The following ARB2A variants were observed in gnomAD, a reference collection of about 807,000 sequenced individuals.
The protein encoded by ARB2A is cotranscriptional regulator ARB2A.
chr5:93,880,437 T>C, the ARB2A span, among the ~76,000 whole-genome samples: 165 of 151,924 alleles, frequency 1.1e-3, 3 homozygotes, highest in Admixed American at 5.7e-3. Context: ...AAACATTTTA[T>C]TAATGATCTT....
chr5:94,049,348 T>C, the ARB2A span, among the ~76,000 whole-genome samples: 1 of 152,126 alleles, frequency 6.6e-6, no homozygotes, highest in Non-Finnish European at 1.5e-5. Context: ...TTCACACAAA[T>C]AAACACCTGA....
At chr5:94,060,906 C>A in the ARB2A span, among the ~76,000 whole-genome samples, 2 of 152,084 alleles carry the variant, frequency 1.3e-5, no homozygotes, top group Non-Finnish European at 2.9e-5. Flanking sequence ...AAATACATGA[C>A]CCTATCAACT....
chr5:93,834,891 CG>C, the ARB2A span, among the ~76,000 whole-genome samples: 1 of 152,100 alleles, frequency 6.6e-6, no homozygotes, highest in Admixed American at 6.5e-5. Context: ...CTTTCTAATA[CG>C]CTTCAATTAC....
At chr5:93,826,550 C>G in the ARB2A span, among the ~76,000 whole-genome samples, 2 of 152,102 alleles carry the variant, frequency 1.3e-5, no homozygotes, top group Non-Finnish European at 2.9e-5. Flanking sequence ...CTCTCCATAT[C>G]CAGCTGAAAT....
chr5:93,707,398 C>T, the ARB2A span, among the ~76,000 whole-genome samples: 1 of 152,068 alleles, frequency 6.6e-6, no homozygotes, highest in African/African-American at 2.4e-5. Flanking sequence ...TAGTTATGTA[C>T]TTGTACAATA....
At chr5:93,947,781 C>A in the ARB2A span, among the ~76,000 whole-genome samples, 1 of 148,382 alleles carries the variant, frequency 6.7e-6, no homozygotes. Context: ...GTTTTTTGTT[C>A]TTGCGATAGT....
chr5:93,964,104 C>G, the ARB2A span, among the ~76,000 whole-genome samples: 1 of 151,806 alleles, frequency 6.6e-6, no homozygotes, highest in Non-Finnish European at 1.5e-5. Flanking sequence ...TAGTGAATGT[C>G]TAATGTAACA....
the ARB2A span, among the ~76,000 whole-genome samples, chr5:93,940,024 TC>T: frequency 6.6e-6 from 1 of 152,006 alleles, no homozygotes; most frequent in Non-Finnish European, 1.5e-5. Flanking sequence ...CTAGTCTTCT[TC>T]CAAAAGGTTC....
the ARB2A span, among the ~76,000 whole-genome samples, chr5:93,859,059 T>C: frequency 6.6e-6 from 1 of 152,082 alleles, no homozygotes; most frequent in Non-Finnish European, 1.5e-5. Context: ...AGATAGACAT[T>C]TGAAAGGAAT....
At chr5:93,824,090 G>C in the ARB2A span, 4 of 1,397,882 alleles carry the variant, frequency 2.9e-6, no homozygotes, top group African/African-American at 5.9e-5. Context: ...CAGAAAGAAA[G>C]GAGAGGGGAT....
At chr5:94,072,326 T>C in the ARB2A span, among the ~76,000 whole-genome samples, 3 of 151,972 alleles carry the variant, frequency 2.0e-5, no homozygotes, top group East Asian at 5.8e-4. Context: ...ACACAATACA[T>C]AGGATCGAAT....
At chr5:94,010,857 A>G in the ARB2A span, among the ~76,000 whole-genome samples, 5 of 152,192 alleles carry the variant, frequency 3.3e-5, no homozygotes, top group African/African-American at 1.2e-4. Flanking sequence ...TAAAACAACT[A>G]AAAAAGTTCA....
At chr5:93,936,235 T>G in the ARB2A span, among the ~76,000 whole-genome samples, 2 of 152,186 alleles carry the variant, frequency 1.3e-5, no homozygotes, top group Non-Finnish European at 2.9e-5. Flanking sequence ...ATTGAAATTT[T>G]CTCTTTATTA....
chr5:94,095,211 C>T, the ARB2A span, among the ~76,000 whole-genome samples: 1 of 152,184 alleles, frequency 6.6e-6, no homozygotes, highest in African/African-American at 2.4e-5. Flanking sequence ...CTGGCATGGG[C>T]AGCCCCCACC....
At chr5:93,701,353 TA>T in the ARB2A span, among the ~76,000 whole-genome samples, 1 of 152,184 alleles carries the variant, frequency 6.6e-6, no homozygotes. Context: ...TCTGTTTTGA[TA>T]AAATGTGATT....
the ARB2A span, among the ~76,000 whole-genome samples, chr5:93,975,225 G>A: frequency 6.6e-6 from 1 of 150,508 alleles, no homozygotes; most frequent in Non-Finnish European, 1.5e-5. Flanking sequence ...ACTGAGGCAG[G>A]AGAATCCTGT....
At chr5:93,689,441 T>G in the ARB2A span, among the ~76,000 whole-genome samples, 1 of 152,202 alleles carries the variant, frequency 6.6e-6, no homozygotes, top group Non-Finnish European at 1.5e-5. Flanking sequence ...TGTTAAAAGT[T>G]TTACTGCCAT....
chr5:94,110,209 C>T, the ARB2A span, among the ~76,000 whole-genome samples: 1 of 152,116 alleles, frequency 6.6e-6, no homozygotes, highest in East Asian at 1.9e-4. Context: ...TTAATCACTA[C>T]TTGTTATATA....
chr5:93,986,660 T>C, the ARB2A span, among the ~76,000 whole-genome samples: 4 of 152,222 alleles, frequency 2.6e-5, no homozygotes, highest in African/African-American at 9.6e-5. Flanking sequence ...CTCCATTTTG[T>C]TCTGTACTAA....
Sources: allele counts gnomAD v4.1 joint callset (sites outside exome capture counted in the v4.1 genomes callset), GRCh38; gene constraint gnomAD v4.1.1; transcripts MANE v1.5; gene names NCBI Gene and HGNC (gene_info 2026-07-23, HGNC 2026-07-21).